The following CFAP251 variants were observed in gnomAD, a reference collection of about 807,000 sequenced individuals.
CFAP251 encodes cilia and flagella associated protein 251.
A neutral mutation model predicts 126.7 loss-of-function variants in CFAP251; 93 were observed. The ratio of observed to expected loss-of-function variants is 0.73; its 90% CI spans 0.62 to 0.87. CFAP251 has a LOEUF of 0.87. CFAP251 is among the 40% of genes least tolerant of loss of function. The probability of loss-of-function intolerance (pLI) is 0.00; values close to 1 mark genes in which losing one functional copy is unlikely to be tolerated. For missense variants in CFAP251, 1,287 were observed against 1,389.2 expected, an observed-to-expected ratio of 0.93 and a Z score of 1.17; for synonymous variants, 503 against 506.9, an observed-to-expected ratio of 0.99 and a Z score of 0.10.
Position 121,999,932 on chromosome 12 carries a change from C to T in CFAP251, c.3223C>T (p.Leu1075Phe), listed in dbSNP as rs1883109566. The change falls in exon 20 of 22, where the codon CTC (leucine) becomes TTC (phenylalanine). Residue 1075 changes from leucine (L) to phenylalanine (F), a missense_variant. Physicochemically the swap from Leu to Phe is conservative, Grantham distance 22. Coordinates refer to ENST00000288912, the MANE Select transcript of CFAP251 (RefSeq NM_144668.6). ...AIRREDFLRL[L>F]VTKGEHMTEE... The stretch of plus-strand genomic sequence containing the variant: ...TCGAAGAGAGGACTTCCTGAGACTG[C>T]TCGTTACTAAAGGTAAGCACATACA... 1 of 1,612,880 alleles carries T rather than the reference C, an allele frequency of 6.2e-7. No homozygotes were observed. Among genetic ancestry groups the T allele is most frequent in the Non-Finnish European group, 8.5e-7 (1 of 1,178,962 alleles).
At chr12:121,951,741 C>A (rs7138296) in intron 9 of CFAP251, among the ~76,000 whole-genome samples, 12,185 of 151,686 alleles carry the variant, frequency 0.08, 933 homozygotes, top group African/African-American at 0.2. Flanking sequence ...TTTTTTGAGA[C>A]GGAGTCTTGC....
At chr12:121,996,380 C>T (rs1883022000) in intron 19 of CFAP251, among the ~76,000 whole-genome samples, 1 of 152,218 alleles carries the variant, frequency 6.6e-6, no homozygotes, top group African/African-American at 2.4e-5. Flanking sequence ...AGCCCTTTCA[C>T]TGGTATAATT....
At chr12:121,993,730 G>A (rs1356212331) in intron 19 of CFAP251, among the ~76,000 whole-genome samples, 1 of 150,322 alleles carries the variant, frequency 6.7e-6, no homozygotes, top group South Asian at 2.1e-4. Flanking sequence ...CCTCTGCCTG[G>A]CAACCACCCC....
rs771183613 is a variant in CFAP251, at chr12:122,003,724, G to A, written c.3410G>A (p.Gly1137Asp). The A allele has an allele frequency of 6.2e-7, 1 of 1,609,412 alleles. No homozygotes were observed. ...TAEIFATEIL[G>D]LTISEDSGQD... ...GAAATATTCGCGACTGAAATTCTTG[G>A]CTTAACCATTTCAGAAGATTCCGGC... Residue 1137 changes from glycine (G) to aspartate (D), a missense_variant, in exon 22 of 22, where the codon GGC (glycine) becomes GAC (aspartate). By Grantham distance (94) the Gly-to-Asp change is moderately conservative. Transcript: ENST00000288912.
intron 17 of CFAP251, among the ~76,000 whole-genome samples, chr12:121,972,780 G>A (rs1275969226): frequency 2.0e-5 from 3 of 152,194 alleles, no homozygotes; most frequent in Admixed American, 6.5e-5. Context: ...GAGCTACCGC[G>A]CCTGGCCTCT....
At chr12:121,935,293 T>A (rs1170427563) in intron 5 of CFAP251, among the ~76,000 whole-genome samples, 2 of 152,168 alleles carry the variant, frequency 1.3e-5, no homozygotes, top group East Asian at 3.8e-4. Flanking sequence ...AGACTTTTAT[T>A]TTTAGAACAG....
intron 15 of CFAP251, among the ~76,000 whole-genome samples, chr12:121,966,206 TCCCTCCCCTCCCCTTCCCTC>T (rs1565916272): frequency 3.0e-4 from 1 of 3,350 alleles, no homozygotes; most frequent in Non-Finnish European, 7.4e-4. Context: ...TCCCTCCCCT[TCCCTCCCCTCCCCTTCCCTC>T]CCCTCCCCTC....
intron 19 of CFAP251, among the ~76,000 whole-genome samples, chr12:121,987,648 G>A (rs1255603150): frequency 6.6e-6 from 1 of 151,416 alleles, no homozygotes; most frequent in East Asian, 1.9e-4. Context: ...CCGGGAGGCG[G>A]AGGTTGCAGT....
intron 13 of CFAP251, among the ~76,000 whole-genome samples, chr12:121,960,021 T>C (rs989120338): frequency 6.6e-6 from 1 of 151,982 alleles, no homozygotes; most frequent in African/African-American, 2.4e-5. Context: ...TAGTCCTAGC[T>C]ACTTAGGAGG....
rs1439364963 is a variant in CFAP251, at chr12:121,960,599, T to C, written c.2148T>C (p.Thr716=). Residue 716 remains threonine, a synonymous_variant, in exon 14 of 22, where the codon ACT becomes ACC. Coordinates refer to ENST00000288912, the MANE Select transcript of CFAP251 (RefSeq NM_144668.6). ...QYMATADRSF[T]VAVYMLVVRN... is the part of the protein sequence containing the mutation. ...CTCATCTTCAGGATAGAAGTTTTAC[T>C]GTGGCTGTTTACATGCTGGTGGTCA... The C allele has an allele frequency of 1.5e-5, 25 of 1,614,080 alleles. No homozygotes were observed. The highest frequency in any genetic ancestry group is 1.9e-5 in the Non-Finnish European group (23 of 1,180,040).
At chr12:121,975,815 C>T (rs1404711916) in intron 19 of CFAP251, 130 bp downstream of exon 19, 1 of 1,021,038 alleles carries the variant, frequency 9.8e-7, no homozygotes, top group Non-Finnish European at 1.4e-6. Context: ...AAAGATGGTT[C>T]TGGGCATTTC....
chr12:121,967,343 A>G (rs1007994866), intron 16 of CFAP251, among the ~76,000 whole-genome samples: 1 of 151,992 alleles, frequency 6.6e-6, no homozygotes, highest in African/African-American at 2.4e-5. Context: ...ACATGGAAAA[A>G]CTCTTGTAAA....
chr12:121,953,527 T>C (rs1881605242), intron 9 of CFAP251: 1 of 152,270 alleles, frequency 6.6e-6, no homozygotes, highest in African/African-American at 2.4e-5. Context: ...ATGATAAAAA[T>C]GTATTGAAAC....
chr12:121,982,203 T>C (rs144797948), intron 19 of CFAP251, among the ~76,000 whole-genome samples: 8 of 152,124 alleles, frequency 5.3e-5, no homozygotes, highest in Admixed American at 2.0e-4. Context: ...TTCTCACTTG[T>C]TCAGGATTTT....
intron 19 of CFAP251, among the ~76,000 whole-genome samples, chr12:121,980,778 A>G (rs1882601700): frequency 6.6e-6 from 1 of 152,194 alleles, no homozygotes; most frequent in Admixed American, 6.5e-5. Context: ...CGTTTAACCA[A>G]ATACCCACCT....
chr12:122,000,017 C>A, intron 20 of CFAP251, 73 bp downstream of exon 20: 1 of 1,369,690 alleles, frequency 7.3e-7, no homozygotes, highest in Non-Finnish European at 1.0e-6. Context: ...GTTTGGGGAG[C>A]CAGCCCCTGT....
chr12:121,990,832 G>A, intron 19 of CFAP251, among the ~76,000 whole-genome samples: 1 of 152,220 alleles, frequency 6.6e-6, no homozygotes, highest in East Asian at 1.9e-4. Flanking sequence ...GGCAGCCAGG[G>A]CTGAGGACCT....
chr12:121,921,488 A>C lies in CFAP251; in HGVS notation c.183A>C (p.Glu61Asp), dbSNP rs748056471. Residue 61 changes from glutamate to aspartate, a missense_variant, in exon 2 of 22, where the codon GAA becomes GAC. Transcript: ENST00000288912. ...QEEERKTGEE[E>D]GEEEGKEDKK... ...AGGAGAGGAAAACGGGCGAGGAGGAAGGGGAGGAGGAGGGGAAGGAGGACA... is the reference window on the plus strand; with the variant it reads ...AGGAGAGGAAAACGGGCGAGGAGGACGGGGAGGAGGAGGGGAAGGAGGACA... 2.9e-6 allele frequency: 1 copy of C among 339,950 alleles called. No homozygotes were observed. The highest frequency in any genetic ancestry group is 4.4e-5 in the South Asian group (1 of 22,510). 21.1% of individuals were successfully genotyped at this position (339,950 alleles called of 1,614,324 possible). A position where few individuals can be genotyped will look rare whatever the true frequency, so the allele number is the denominator to read the frequency against.
intron 3 of CFAP251, among the ~76,000 whole-genome samples, chr12:121,926,189 G>A (rs1049106113): frequency 6.6e-6 from 1 of 151,918 alleles, no homozygotes; most frequent in African/African-American, 2.4e-5. Context: ...GAGCCCTGCT[G>A]TGTTGCCCAG....
Sources: gnomAD v4.1 joint callset for allele counts (sites outside exome capture counted in the v4.1 genomes callset) on GRCh38, gnomAD v4.1.1 for gene constraint, MANE v1.5 for transcripts, NCBI Gene and HGNC (gene_info 2026-07-23, HGNC 2026-07-21) for gene names.